The following MGAT4C variants were observed in gnomAD, a reference collection of about 807,000 sequenced individuals.
MGAT4C encodes the protein MGAT4 family member C, also known as alpha-1,3-mannosyl-glycoprotein 4-beta-N-acetylglucosaminyltransferase C.
MGAT4C carries 19 observed loss-of-function variants against 40.1 expected under a neutral mutation model. The ratio of observed to expected loss-of-function variants is 0.47; its 90% CI spans 0.33 to 0.70. The LOEUF (loss-of-function observed/expected upper bound fraction) is 0.70. Ranked by LOEUF, MGAT4C falls within the 30% of genes least tolerant of loss-of-function variation. The pLI is 0.02. For synonymous variants in MGAT4C, 181 were observed against 187.1 expected (o/e 0.97, Z 0.27); for missense variants, 491 against 563.2 (o/e 0.87, Z 1.30).
chr12:86,376,869 G>A (rs1955837565), intron 3 of MGAT4C, among the ~76,000 whole-genome samples: 1 of 78,198 alleles, frequency 1.3e-5, no homozygotes, highest in East Asian at 3.8e-4. Context: ...AGAGAGAGAG[G>A]AGAAAAAGAG....
At chr12:86,745,694 G>C (rs1951142902) in intron 1 of MGAT4C, among the ~76,000 whole-genome samples, 1 of 151,652 alleles carries the variant, frequency 6.6e-6, no homozygotes, top group Admixed American at 6.6e-5. Flanking sequence ...GTGCATGAAT[G>C]AATGAATGAG....
intron 3 of MGAT4C, among the ~76,000 whole-genome samples, chr12:86,425,196 C>T (rs189365715): frequency 6.6e-6 from 1 of 152,178 alleles, no homozygotes; most frequent in African/African-American, 2.4e-5. Context: ...TTATACTATG[C>T]AGTCTTTCAT....
intron 2 of MGAT4C, among the ~76,000 whole-genome samples, chr12:86,598,777 A>G (rs1284280545): frequency 6.6e-6 from 1 of 152,188 alleles, no homozygotes; most frequent in Non-Finnish European, 1.5e-5. Flanking sequence ...GTGCCTTCAC[A>G]GTACCTAATG....
intron 2 of MGAT4C, among the ~76,000 whole-genome samples, chr12:86,675,510 A>G (rs2136570174): frequency 6.6e-6 from 1 of 152,308 alleles, no homozygotes; most frequent in African/African-American, 2.4e-5. Flanking sequence ...TAAAGATTGT[A>G]TGTAAAGATT....
At chr12:86,454,885 GTTTC>G (rs1241195685) in intron 2 of MGAT4C, among the ~76,000 whole-genome samples, 1 of 151,892 alleles carries the variant, frequency 6.6e-6, no homozygotes, top group African/African-American at 2.4e-5. Flanking sequence ...ATTTTATGTT[GTTTC>G]TTTCTCTTAA....
chr12:86,703,101 A>G (rs1950392657), intron 2 of MGAT4C, among the ~76,000 whole-genome samples: 1 of 152,170 alleles, frequency 6.6e-6, no homozygotes, highest in Non-Finnish European at 1.5e-5. Context: ...AACTAGAGCT[A>G]GAAGATTTGA....
chr12:86,170,716 G>A (rs943486421), intron 1 of MGAT4C, among the ~76,000 whole-genome samples: 2 of 152,090 alleles, frequency 1.3e-5, no homozygotes, highest in African/African-American at 4.8e-5. Flanking sequence ...ACTTTGGGAG[G>A]CCGAGGCAGG....
chr12:86,358,186 A>T (rs1274207722), intron 3 of MGAT4C, among the ~76,000 whole-genome samples: 3 of 152,282 alleles, frequency 2.0e-5, no homozygotes, highest in Admixed American at 1.3e-4. Flanking sequence ...AACATTCTTA[A>T]AGAAAAGAAT....
At chr12:86,305,639 G>T (rs1953917682) in intron 4 of MGAT4C, among the ~76,000 whole-genome samples, 1 of 150,148 alleles carries the variant, frequency 6.7e-6, no homozygotes, top group South Asian at 2.1e-4. Context: ...ACCAAAATCT[G>T]CAAATGTTCA....
chr12:86,368,450 A>G (rs1424160424), intron 3 of MGAT4C, among the ~76,000 whole-genome samples: 1 of 137,054 alleles, frequency 7.3e-6, no homozygotes, highest in African/African-American at 2.7e-5. Context: ...TGATTTTTTT[A>G]TTTTTGTGTT....
intron 1 of MGAT4C, among the ~76,000 whole-genome samples, chr12:86,745,922 G>A (rs1047713090): frequency 2.0e-5 from 3 of 151,588 alleles, no homozygotes; most frequent in Admixed American, 1.3e-4. Flanking sequence ...TTTTAATGAG[G>A]CAGAATTATA....
intron 1 of MGAT4C, among the ~76,000 whole-genome samples, chr12:86,093,106 A>T (rs1873183584): frequency 6.6e-6 from 1 of 151,940 alleles, no homozygotes; most frequent in Non-Finnish European, 1.5e-5. Flanking sequence ...CTCTATTCAT[A>T]CTTTTATCTA....
intron 3 of MGAT4C, among the ~76,000 whole-genome samples, chr12:86,375,337 G>T (rs1270401209): frequency 3.9e-5 from 6 of 152,068 alleles, no homozygotes; most frequent in Admixed American, 3.9e-4. Flanking sequence ...CTGTTGTGTT[G>T]TTACTGAACT....
At chr12:86,332,781 G>C (rs1954701571) in intron 4 of MGAT4C, among the ~76,000 whole-genome samples, 1 of 151,990 alleles carries the variant, frequency 6.6e-6, no homozygotes, top group South Asian at 2.1e-4. Flanking sequence ...CAAGAGCTAG[G>C]CCATTAAATT....
intron 2 of MGAT4C, among the ~76,000 whole-genome samples, chr12:86,489,518 C>A (rs1049569658): frequency 6.6e-6 from 1 of 152,220 alleles, no homozygotes; most frequent in African/African-American, 2.4e-5. Context: ...GAGCTGATAA[C>A]ACACTGCTAT....
chr12:86,233,217 C>CA (rs1951400633), intron 1 of MGAT4C, among the ~76,000 whole-genome samples: 1 of 152,112 alleles, frequency 6.6e-6, no homozygotes, highest in Non-Finnish European at 1.5e-5. Context: ...TTGCAGGAAA[C>CA]AGTTTTCTTC....
chr12:86,060,554 T>A (rs1893850480), intron 1 of MGAT4C, among the ~76,000 whole-genome samples: 1 of 152,138 alleles, frequency 6.6e-6, no homozygotes, highest in African/African-American at 2.4e-5. Flanking sequence ...TAATATTTAA[T>A]TATAAAATTA....
chr12:86,693,861 T>C (rs1297158487), intron 2 of MGAT4C, among the ~76,000 whole-genome samples: 2 of 152,134 alleles, frequency 1.3e-5, no homozygotes, highest in Non-Finnish European at 2.9e-5. Flanking sequence ...GTCTTCTTCA[T>C]TCTGTTTTGA....
chr12:86,299,541 T>G (rs1195649768), intron 4 of MGAT4C, among the ~76,000 whole-genome samples: 1 of 152,190 alleles, frequency 6.6e-6, no homozygotes, highest in African/African-American at 2.4e-5. Flanking sequence ...AGACAAACAA[T>G]TTTTAATATA....
Sources: gnomAD v4.1 joint callset for allele counts (sites outside exome capture counted in the v4.1 genomes callset) on GRCh38, gnomAD v4.1.1 for gene constraint, MANE v1.5 for transcripts, NCBI Gene and HGNC (gene_info 2026-07-23, HGNC 2026-07-21) for gene names.